The following NFKB2 variants were observed in gnomAD, a reference collection of about 807,000 sequenced individuals.
The protein encoded by NFKB2 is nuclear factor kappa B subunit 2, also known as nuclear factor NF-kappa-B p100 subunit.
Under a neutral mutation model 109.3 loss-of-function variants are expected in NFKB2, and 21 were observed. The ratio of observed to expected loss-of-function variants is 0.19; its 90% CI spans 0.14 to 0.28. The LOEUF is 0.28. Among genes scored for constraint, NFKB2 ranks in the 10% least tolerant of loss-of-function variants. The pLI is 1.00. For synonymous variants in NFKB2, 478 were observed against 489.9 expected (o/e 0.98, Z 0.32); for missense variants, 806 against 1,185.3 (o/e 0.68, Z 4.70).
rs1368578412 is a variant in NFKB2, at chr10:102,399,617, C to G, written c.1368C>G (p.Arg456=). ...YNARLFGLAQ[R]SARALLDYGV... ...CGCGCCTGTTCGGCCTGGCGCAGCG[C>G]AGCGCCCGAGCCCTACTCGACTACG... The change falls in exon 14 of 23, where the codon CGC becomes CGG. Residue 456 remains arginine (R), a synonymous_variant. Coordinates refer to ENST00000661543, the MANE Select transcript of NFKB2 (RefSeq NM_001322934.2). The G allele has an allele frequency of 1.9e-6, 3 of 1,546,784 alleles. No individual in the cohort carries two copies. The highest frequency in any genetic ancestry group is 2.4e-5 in the South Asian group (2 of 83,894).
Position 102,401,703 on chromosome 10 carries a change from C to T in NFKB2, c.2294-42C>T, listed in dbSNP as rs1178333182. ...TTCAGGTGTCCATGTCCCCACCCAA[C>T]TCTGGAGGTAAATGACATGTCTGTA... On this transcript the variant is annotated intron_variant, in intron 20 of 22. Transcript: ENST00000661543. The surrounding 1 kb of genome is among the most constrained non-coding windows in gnomAD (Gnocchi z 4.2). 6.4e-7 allele frequency: 1 copy of T among 1,564,910 alleles called. No homozygotes were observed. Among genetic ancestry groups the T allele is most frequent in the Non-Finnish European group, 8.7e-7 (1 of 1,153,352 alleles).
At position 102,398,710 on chromosome 10, in the gene NFKB2, G is replaced by T; in HGVS notation, c.992-29G>T. The T allele has an allele frequency of 1.2e-6, 2 of 1,612,138 alleles. No individual in the cohort carries two copies. The highest frequency in any genetic ancestry group is 1.7e-6 in the Non-Finnish European group (2 of 1,180,010). On this transcript the variant is annotated intron_variant, in intron 11 of 22. Coordinates refer to ENST00000661543, the MANE Select transcript of NFKB2 (RefSeq NM_001322934.2). The surrounding 1 kb of genome is among the most constrained non-coding windows in gnomAD (Gnocchi z 6.6). Reference sequence around the variant, plus strand: ...CCCCTGAGGCATGACACAATAACTGGGCTCAATCTCATTTTCCTCTGCCCC... The same window carrying T: ...CCCCTGAGGCATGACACAATAACTGTGCTCAATCTCATTTTCCTCTGCCCC...
Position 102,401,045 on chromosome 10 carries a change from G to A in NFKB2, c.2067G>A (p.Lys689=), listed in dbSNP as rs745876650. The A allele has an allele frequency of 7.7e-5, 125 of 1,613,990 alleles. No individual in the cohort carries two copies. The highest frequency in any genetic ancestry group is 1.0e-4 in the Non-Finnish European group (118 of 1,180,002). Residue 689 remains lysine, a synonymous_variant, in exon 18 of 23, where the codon AAG becomes AAA. Coordinates refer to ENST00000661543, the MANE Select transcript of NFKB2 (RefSeq NM_001322934.2). The surrounding 1 kb of genome is among the most constrained non-coding windows in gnomAD (Gnocchi z 4.2). Reference sequence around the variant, plus strand: ...CGACCCTCACCCGCCTCCTTCTGAAGGCTGGTCAGTCTCACCCTCAGGGGC... The same window carrying A: ...CGACCCTCACCCGCCTCCTTCTGAAAGCTGGTCAGTCTCACCCTCAGGGGC... ...GYPTLTRLLL[K]AGADIHAENE...
chr10:102,397,196 A>G lies in NFKB2; in HGVS notation c.396-106A>G. The G allele has an allele frequency of 6.5e-7, 1 of 1,530,240 alleles. No homozygotes were observed. The highest frequency in any genetic ancestry group is 8.9e-7 in the Non-Finnish European group (1 of 1,118,178). 94.8% of individuals were successfully genotyped at this position (1,530,240 alleles called of 1,614,324 possible). ...ACCCAAGGGCCTAAGTAGAAACTCCAATGGCTTCCTTGAGGAAGTAAGGCT... is the reference window on the plus strand; with the variant it reads ...ACCCAAGGGCCTAAGTAGAAACTCCGATGGCTTCCTTGAGGAAGTAAGGCT... On this transcript the variant is annotated intron_variant, in intron 6 of 22. Coordinates refer to ENST00000661543, the MANE Select transcript of NFKB2 (RefSeq NM_001322934.2). The surrounding 1 kb of genome is among the most constrained non-coding windows in gnomAD (Gnocchi z 4.7).
rs138786808 is a variant in NFKB2 at position 102,400,725 on chromosome 10, G to A, written c.1869G>A (p.Gly623=). 6.7e-4 allele frequency: 1,080 copies of A among 1,614,032 alleles called. 11 individuals are homozygous for A. The African/African-American group carries it at 0.011, about 17-fold the overall frequency. ...GCCTGGATCTGCTGGTGGACAGTGG[G>A]GCTGAAGTGGAGGCCACAGAGCGGC... The part of the protein sequence containing the change: ...PECLDLLVDS[G]AEVEATERQG... Residue 623 remains glycine (G), a synonymous_variant, in exon 17 of 23, where the codon GGG becomes GGA. Transcript: ENST00000661543. The surrounding 1 kb of genome is among the most constrained non-coding windows in gnomAD (Gnocchi z 6.3).
At position 102,401,088 on chromosome 10, in the gene NFKB2, G is replaced by A. The variant is rs773700268; in HGVS notation, c.2071+39G>A. 5 of 1,613,454 alleles carry A rather than the reference G, an allele frequency of 3.1e-6. No individual in the cohort carries two copies. Among genetic ancestry groups the A allele is most frequent in the South Asian group, 2.2e-5 (2 of 91,070 alleles). ...TCAGGGGCACTTGAACAGGGTGGGG[G>A]GAAGGGAGAGAGGTGCCTCCCAGTC... On this transcript the variant is annotated intron_variant, in intron 18 of 22. Transcript: ENST00000661543. This position sits in a 1 kb window ranked among gnomAD's most constrained non-coding sequence, Gnocchi z 4.2.
Position 102,396,072 on chromosome 10 carries a change from A to T in NFKB2, c.21+92A>T. On this transcript the variant is annotated intron_variant, in intron 2 of 22. Coordinates refer to ENST00000661543, the MANE Select transcript of NFKB2 (RefSeq NM_001322934.2). The surrounding 1 kb of genome is among the most constrained non-coding windows in gnomAD (Gnocchi z 5.9). ...GCCCCCTCTGCTGCCTTACACCTGT[A>T]TGCTCGCAGATGCTCTCAGCCTGCC... 1 of 1,529,012 alleles carries T rather than the reference A, an allele frequency of 6.5e-7. No homozygotes were observed. The highest frequency in any genetic ancestry group is 9.0e-7 in the Non-Finnish European group (1 of 1,108,736). 94.7% of individuals were successfully genotyped at this position (1,529,012 alleles called of 1,614,324 possible). A position where few individuals can be genotyped will look rare whatever the true frequency, so the allele number is the denominator to read the frequency against.
chr10:102,400,476 A>G lies in NFKB2; in HGVS notation c.1783A>G (p.Met595Val), dbSNP rs2061213824. The G allele has an allele frequency of 6.2e-7, 1 of 1,607,494 alleles. No individual in the cohort carries two copies. Among genetic ancestry groups the G allele is most frequent in the Admixed American group, 1.7e-5 (1 of 58,914 alleles). ...GAPAVPQLLH[M>V]PDFEGLYPVH... ...TCCTGCTGTGCCCCAGCTGTTGCAT[A>G]TGCCTGACTTTGAGGGTGAGCTCCC... The change falls in exon 16 of 23, where the codon ATG becomes GTG. Residue 595 changes from methionine (M) to valine (V), a missense_variant. This residue lies in a region of NFKB2 where 163 missense variants were observed against 207.1 expected (regional missense o/e 0.79). Coordinates refer to ENST00000661543, the MANE Select transcript of NFKB2 (RefSeq NM_001322934.2). This position sits in a 1 kb window ranked among gnomAD's most constrained non-coding sequence, Gnocchi z 6.3.
In NFKB2 at chr10:102,399,580, G is replaced by C. The variant is rs1312906894; in HGVS notation, c.1331G>C (p.Arg444Pro). ...PQAPEMLQRA[R>P]EYNARLFGLA... Reference sequence around the variant, plus strand: ...CCACGCCCTCTGTGGCCCGTAGCTCGAGAGTACAACGCGCGCCTGTTCGGC... The same window carrying C: ...CCACGCCCTCTGTGGCCCGTAGCTCCAGAGTACAACGCGCGCCTGTTCGGC... Residue 444 changes from arginine (R) to proline (P), a missense_variant, in exon 14 of 23, where the codon CGA (arginine) becomes CCA (proline). Coordinates refer to ENST00000661543, the MANE Select transcript of NFKB2 (RefSeq NM_001322934.2). The C allele has an allele frequency of 3.2e-6, 5 of 1,550,686 alleles. No individual in the cohort carries two copies. The highest frequency in any genetic ancestry group is 4.4e-6 in the Non-Finnish European group (5 of 1,147,686).
rs199906906 is a variant in NFKB2, at chr10:102,401,953, C to T, written c.2466+36C>T. 3 of 1,599,368 alleles carry T rather than the reference C, an allele frequency of 1.9e-6. No homozygotes were observed. The highest frequency in any genetic ancestry group is 1.3e-5 in the African/African-American group (1 of 74,802). On this transcript the variant is annotated intron_variant, in intron 21 of 22. Transcript: ENST00000661543. This position sits in a 1 kb window ranked among gnomAD's most constrained non-coding sequence, Gnocchi z 4.2. ...CTGTGCCCTGCCCCCTCCCCAGCCT[C>T]CTTTCCCGATCTGAGTCCAGGTGCC...
rs772000104 is a variant in NFKB2 at position 102,396,212 on chromosome 10, G to T, written c.22-41G>T. On this transcript the variant is annotated intron_variant, in intron 2 of 22. Transcript: ENST00000661543. The surrounding 1 kb of genome is among the most constrained non-coding windows in gnomAD (Gnocchi z 5.9). ...GATGGGAGGTGGGGCTGTGGGGGGT[G>T]CTGAGAGTCGGATGCCACCCCCAGT... 5 of 1,581,790 alleles carry T rather than the reference G, an allele frequency of 3.2e-6. No individual in the cohort carries two copies. Among genetic ancestry groups the T allele is most frequent in the Non-Finnish European group, 4.3e-6 (5 of 1,155,522 alleles).
intron 14 of NFKB2, 120 bp from the exon 15 acceptor site, chr10:102,399,960 G>T (rs1397754259): frequency 1.7e-6 from 2 of 1,148,028 alleles, no homozygotes; most frequent in Non-Finnish European, 2.5e-6. Context: ...GCACAGCGAT[G>T]CCCTGGGCCA....
chr10:102,399,722 G>A lies in NFKB2; in HGVS notation c.1469+4G>A, dbSNP rs1055046721. The A allele has an allele frequency of 4.1e-6, 6 of 1,464,294 alleles. No individual in the cohort carries two copies. In the Admixed American group the frequency reaches 1.0e-4, roughly 25 times the overall value. 90.7% of individuals were successfully genotyped at this position (1,464,294 alleles called of 1,614,324 possible). A position where few individuals can be genotyped will look rare whatever the true frequency, so the allele number is the denominator to read the frequency against. ...CGCAGGACGAGAACGGAGACACGTAGGCAACAGAGGGCCTGGCGGACGAGG... is the reference window on the plus strand; with the variant it reads ...CGCAGGACGAGAACGGAGACACGTAAGCAACAGAGGGCCTGGCGGACGAGG... On this transcript the variant is annotated splice_donor_region_variant and intron_variant, in intron 14 of 22. Coordinates refer to ENST00000661543, the MANE Select transcript of NFKB2 (RefSeq NM_001322934.2).
At chr10:102,394,425 T>A (rs1453271068), upstream of NFKB2, 1 of 152,478 alleles carries the variant, frequency 6.6e-6, no homozygotes, top group Non-Finnish European at 1.5e-5. Flanking sequence ...AGTTAAACTT[T>A]CAGCCAATGA....
rs1260120488 is a variant in NFKB2, at chr10:102,399,394, C to T, written c.1224C>T (p.Ala408=). 1.3e-6 allele frequency: 2 copies of T among 1,540,736 alleles called. No homozygotes were observed. The highest frequency in any genetic ancestry group is 2.4e-5 in the East Asian group (1 of 40,958). ...GAGGCGGGGGCGGGGCGCAGATGGC[C>T]GCCACGGTGCCCAGCAGGGACTCCG... ...YPGGGGGAQM[A]ATVPSRDSGE... is the part of the protein sequence containing the mutation. Residue 408 remains alanine, a synonymous_variant, in exon 13 of 23, where the codon GCC becomes GCT. Transcript: ENST00000661543.
chr10:102,397,286 G>T lies in NFKB2; in HGVS notation c.396-16G>T. 1 of 1,611,266 alleles carries T rather than the reference G, an allele frequency of 6.2e-7. No homozygotes were observed. Among genetic ancestry groups the T allele is most frequent in the African/African-American group, 1.3e-5 (1 of 74,988 alleles). ...AAGAACTGCATGGCCAAAGGCCTCC[G>T]ATTCTCTCTTCTCAGATTTAACAAC... On this transcript the variant is annotated splice_polypyrimidine_tract_variant and intron_variant, in intron 6 of 22. Transcript: ENST00000661543. The surrounding 1 kb of genome is among the most constrained non-coding windows in gnomAD (Gnocchi z 4.7).
rs1243439311 is a variant in NFKB2 at position 102,398,668 on chromosome 10, G to C, written c.992-71G>C. On this transcript the variant is annotated intron_variant, in intron 11 of 22. Transcript: ENST00000661543. This position sits in a 1 kb window ranked among gnomAD's most constrained non-coding sequence, Gnocchi z 6.6. Reference sequence around the variant, plus strand: ...GTGCTTCCTAGGAGCCGGCCCTGAGGGCTCTTCTGGGAAGGGCCCCTGAGG... The same window carrying C: ...GTGCTTCCTAGGAGCCGGCCCTGAGCGCTCTTCTGGGAAGGGCCCCTGAGG... 1.2e-6 allele frequency: 2 copies of C among 1,611,646 alleles called. No homozygotes were observed. Among genetic ancestry groups the C allele is most frequent in the African/African-American group, 2.7e-5 (2 of 74,840 alleles).
At position 102,400,837 on chromosome 10, in the gene NFKB2, A is replaced by AT; in HGVS notation, c.1968+15dup. ...TCTGGTCACCAAGGTGGGACTGAGG[A>AT]TTGTGGAAGGAGTGGGGCCAAGGGT... is the stretch of plus-strand genomic sequence containing the variant. On this transcript the variant is annotated intron_variant, in intron 17 of 22. Coordinates refer to ENST00000661543, the MANE Select transcript of NFKB2 (RefSeq NM_001322934.2). The surrounding 1 kb of genome is among the most constrained non-coding windows in gnomAD (Gnocchi z 6.3). 2.5e-6 allele frequency: 4 copies of AT among 1,581,416 alleles called. No individual in the cohort carries two copies. Among genetic ancestry groups the AT allele is most frequent in the Non-Finnish European group, 3.4e-6 (4 of 1,161,930 alleles).
chr10:102,395,892 G>A lies in NFKB2; in HGVS notation c.-68G>A, dbSNP rs528965219. 1.5e-5 allele frequency: 23 copies of A among 1,583,758 alleles called. 1 individual carries two copies. The African/African-American group carries it at 2.4e-4, about 17-fold the overall frequency. On this transcript the variant is annotated 5_prime_UTR_variant, in exon 2 of 23. Coordinates refer to ENST00000661543, the MANE Select transcript of NFKB2 (RefSeq NM_001322934.2). ...CGCCACTCCTCCCAACTTTAGGCGG[G>A]CGTCTAAAATTCTGGGAAGCAGAAC... is the stretch of plus-strand genomic sequence containing the variant.
Sources: allele counts gnomAD v4.1 joint callset, GRCh38; gene constraint gnomAD v4.1.1; regional missense constraint gnomAD v4.1.1; non-coding constraint Gnocchi (gnomAD v3.1); transcripts MANE v1.5; gene names NCBI Gene and HGNC (gene_info 2026-07-23, HGNC 2026-07-21).